Variants in YES1 observed in about 807,000 individuals in gnomAD.
YES1 encodes YES proto-oncogene 1, Src family tyrosine kinase.
In YES1, 39 loss-of-function variants were observed where a neutral mutation model predicts 70.4. The ratio of observed to expected loss-of-function variants is 0.55; its 90% CI spans 0.43 to 0.72. The LOEUF (loss-of-function observed/expected upper bound fraction) is 0.72. Ranked by LOEUF, YES1 falls within the 30% of genes least tolerant of loss-of-function variation. The pLI is 0.00. For missense variants in YES1, 495 were observed against 644.8 expected, an observed-to-expected ratio of 0.77 and a Z score of 2.52; for synonymous variants, 198 against 218.6, an observed-to-expected ratio of 0.91 and a Z score of 0.83.
intron 11 of YES1, among the ~76,000 whole-genome samples, chr18:725,413 A>G (rs2080005818): frequency 6.6e-6 from 1 of 152,160 alleles, no homozygotes; most frequent in African/African-American, 2.4e-5. Flanking sequence ...TTCTCTAAAG[A>G]AAATGTAATG....
intron 1 of YES1, among the ~76,000 whole-genome samples, chr18:776,377 T>C (rs1227367513): frequency 1.3e-5 from 2 of 152,092 alleles, no homozygotes; most frequent in African/African-American, 4.8e-5. Flanking sequence ...AAAATGTATC[T>C]GTTTTGGTGG....
chr18:763,450 T>C (rs900531870), intron 1 of YES1, among the ~76,000 whole-genome samples: 2 of 151,942 alleles, frequency 1.3e-5, no homozygotes, highest in African/African-American at 4.8e-5. Flanking sequence ...ATCTCAGCAT[T>C]TTGGGAAGCT....
chr18:787,438 G>A (rs1009989609), intron 1 of YES1, among the ~76,000 whole-genome samples: 7 of 152,008 alleles, frequency 4.6e-5, no homozygotes, highest in East Asian at 2.0e-4. Context: ...GGCTGGGCGC[G>A]GTGGCTCACA....
At chr18:777,029 G>C (rs1159509890) in intron 1 of YES1, among the ~76,000 whole-genome samples, 1 of 152,140 alleles carries the variant, frequency 6.6e-6, no homozygotes, top group Non-Finnish European at 1.5e-5. Context: ...AAAAATCAGG[G>C]GGCAATTATT....
chr18:739,864 T>A, intron 8 of YES1, 53 bp from the exon 9 acceptor site: 3 of 1,343,830 alleles, frequency 2.2e-6, no homozygotes, highest in South Asian at 2.6e-5. Flanking sequence ...TATATTAGGA[T>A]TGAAATGAAT....
At chr18:730,164 CA>C (rs2080071169) in intron 11 of YES1, among the ~76,000 whole-genome samples, 1 of 152,094 alleles carries the variant, frequency 6.6e-6, no homozygotes, top group South Asian at 2.1e-4. Flanking sequence ...GGGGTCTCAA[CA>C]AAAAGCCTAG....
intron 1 of YES1, among the ~76,000 whole-genome samples, chr18:799,321 T>C (rs554105945): frequency 6.6e-6 from 1 of 152,346 alleles, no homozygotes; most frequent in South Asian, 2.1e-4. Flanking sequence ...TAGAAACTAT[T>C]TTTTCCAGCT....
At chr18:787,341 C>T (rs959786675) in intron 1 of YES1, among the ~76,000 whole-genome samples, 2 of 150,844 alleles carry the variant, frequency 1.3e-5, no homozygotes, top group African/African-American at 2.4e-5. Context: ...TCAGGTGGTC[C>T]GCCCGCCTCG....
chr18:772,626 T>C (rs1320703928), intron 1 of YES1, among the ~76,000 whole-genome samples: 1 of 151,794 alleles, frequency 6.6e-6, no homozygotes, highest in Non-Finnish European at 1.5e-5. Flanking sequence ...GAGACAGAGT[T>C]TCACCATGTT....
At chr18:747,683 AAAAG>A (rs1351004426) in intron 4 of YES1, among the ~76,000 whole-genome samples, 1 of 152,202 alleles carries the variant, frequency 6.6e-6, no homozygotes, top group Non-Finnish European at 1.5e-5. Flanking sequence ...GTGAAAACAT[AAAAG>A]AGAGAGACTA....
At chr18:740,996 C>CA (rs1261840282) in intron 8 of YES1, among the ~76,000 whole-genome samples, 1 of 152,198 alleles carries the variant, frequency 6.6e-6, no homozygotes, top group Admixed American at 6.5e-5. Flanking sequence ...CTCCCTAGCT[C>CA]AAGCCATTCT....
At chr18:733,305 A>G (rs2080113005) in intron 10 of YES1, among the ~76,000 whole-genome samples, 1 of 152,204 alleles carries the variant, frequency 6.6e-6, no homozygotes, top group East Asian at 1.9e-4. Flanking sequence ...TAATAGCTGT[A>G]GTTAACTATT....
upstream of YES1, chr18:812,367 G>A (rs1907454756): frequency 6.6e-6 from 1 of 151,672 alleles, no homozygotes; most frequent in Admixed American, 6.6e-5. Context: ...TCTAGCGGGG[G>A]CGGGGGCTGC....
intron 11 of YES1, among the ~76,000 whole-genome samples, chr18:725,433 CATT>C (rs1166584529): frequency 6.6e-6 from 1 of 152,046 alleles, no homozygotes; most frequent in African/African-American, 2.4e-5. Flanking sequence ...GGGGTTAAAT[CATT>C]ACTATTTAGA....
chr18:736,431 T>C (rs2080154238), intron 10 of YES1: 1 of 163,624 alleles, frequency 6.1e-6, no homozygotes, highest in Non-Finnish European at 1.3e-5. Flanking sequence ...CCCCAGGTTG[T>C]AACCACCAAA....
chr18:795,219 T>C (rs904794776), intron 1 of YES1, among the ~76,000 whole-genome samples: 3 of 152,194 alleles, frequency 2.0e-5, no homozygotes, highest in Non-Finnish European at 2.9e-5. Context: ...TGTACTGCAG[T>C]TGTATAAGAA....
chr18:743,859 T>C (rs2080244141), intron 6 of YES1, among the ~76,000 whole-genome samples: 1 of 151,010 alleles, frequency 6.6e-6, no homozygotes, highest in East Asian at 1.9e-4. Flanking sequence ...TGAGCCAAAA[T>C]TGCGCCACTG....
chr18:774,594 C>T (rs930419381), intron 1 of YES1, among the ~76,000 whole-genome samples: 5 of 152,104 alleles, frequency 3.3e-5, no homozygotes, highest in Non-Finnish European at 5.9e-5. Flanking sequence ...CCTCAGTAAC[C>T]CCCCGGCCCT....
At chr18:772,202 T>C (rs547803191) in intron 1 of YES1, among the ~76,000 whole-genome samples, 11 of 151,756 alleles carry the variant, frequency 7.2e-5, no homozygotes, top group Admixed American at 7.2e-4. Flanking sequence ...GCTAATTTTG[T>C]ATTTTCAGTA....
Sources: allele counts gnomAD v4.1 joint callset (sites outside exome capture counted in the v4.1 genomes callset), GRCh38; gene constraint gnomAD v4.1.1; transcripts MANE v1.5; gene names NCBI Gene and HGNC (gene_info 2026-07-23, HGNC 2026-07-21).